The following RSRC1 variants were observed in gnomAD, a reference collection of about 807,000 sequenced individuals.
RSRC1 encodes the protein arginine and serine rich coiled-coil 1, also known as serine/Arginine-related protein 53.
A neutral mutation model predicts 49.1 loss-of-function variants in RSRC1; 39 were observed. That is an observed-to-expected ratio of 0.79 (90% CI 0.61 to 1.04). RSRC1 has a LOEUF of 1.04. Among genes scored for constraint, RSRC1 ranks in the 50% least tolerant of loss-of-function variants. RSRC1 has a pLI of 0.00. For missense variants in RSRC1, 388 were observed against 402.4 expected, an observed-to-expected ratio of 0.96 and a Z score of 0.31; for synonymous variants, 143 against 130.8, an observed-to-expected ratio of 1.09 and a Z score of -0.63.
chr3:158,487,223 A>T (rs1738848374), intron 7 of RSRC1, among the ~76,000 whole-genome samples: 1 of 152,192 alleles, frequency 6.6e-6, no homozygotes, highest in Non-Finnish European at 1.5e-5. Flanking sequence ...ACAAGAATGA[A>T]TATGTAGTCA....
At chr3:158,348,516 GC>G (rs1414162256) in intron 5 of RSRC1, among the ~76,000 whole-genome samples, 1 of 152,040 alleles carries the variant, frequency 6.6e-6, no homozygotes, top group Non-Finnish European at 1.5e-5. Context: ...ATCTCCACAG[GC>G]CATTATGAGA....
At chr3:158,170,883 T>C (rs1314856311) in intron 3 of RSRC1, among the ~76,000 whole-genome samples, 1 of 152,124 alleles carries the variant, frequency 6.6e-6, no homozygotes, top group Non-Finnish European at 1.5e-5. Context: ...TTTTCCTCTC[T>C]CTTTTCTTTC....
intron 4 of RSRC1, among the ~76,000 whole-genome samples, chr3:158,218,717 A>C (rs1250167988): frequency 1.1e-4 from 16 of 151,638 alleles, no homozygotes; most frequent in Admixed American, 9.9e-4. Flanking sequence ...TGATGACTAC[A>C]GAAACCTATA....
intron 6 of RSRC1, among the ~76,000 whole-genome samples, chr3:158,369,235 C>T (rs1341418294): frequency 6.6e-6 from 1 of 151,988 alleles, no homozygotes; most frequent in African/African-American, 2.4e-5. Flanking sequence ...TTTTCATTTT[C>T]TCATTTTATT....
At chr3:158,196,977 C>T (rs562390679) in intron 3 of RSRC1, among the ~76,000 whole-genome samples, 1 of 152,206 alleles carries the variant, frequency 6.6e-6, no homozygotes, top group African/African-American at 2.4e-5. Flanking sequence ...TTTGTTGTGT[C>T]TCTGCCAGGC....
At chr3:158,209,387 A>G (rs1425489408) in intron 4 of RSRC1, among the ~76,000 whole-genome samples, 3 of 152,030 alleles carry the variant, frequency 2.0e-5, no homozygotes, top group African/African-American at 4.8e-5. Flanking sequence ...TGGCCTCTCA[A>G]TCTTGGACTT....
chr3:158,131,572 G>A (rs1476505430), intron 3 of RSRC1, among the ~76,000 whole-genome samples: 7 of 152,164 alleles, frequency 4.6e-5, no homozygotes, highest in Non-Finnish European at 8.8e-5. Context: ...ATGTACTCAT[G>A]AACTTGGTAC....
At chr3:158,535,795 A>C (rs1181057105) in intron 7 of RSRC1, among the ~76,000 whole-genome samples, 1 of 151,520 alleles carries the variant, frequency 6.6e-6, no homozygotes, top group Non-Finnish European at 1.5e-5. Context: ...ACAAATATTC[A>C]TGAACTCATA....
chr3:158,328,423 G>A (rs1421576766), intron 5 of RSRC1, among the ~76,000 whole-genome samples: 1 of 136,906 alleles, frequency 7.3e-6, no homozygotes, highest in East Asian at 2.1e-4. Context: ...TGTAGGGCAG[G>A]CCTGGTGGTG....
intron 8 of RSRC1, among the ~76,000 whole-genome samples, chr3:158,541,311 C>G (rs1300310010): frequency 1.3e-5 from 2 of 152,180 alleles, no homozygotes; most frequent in East Asian, 3.8e-4. Context: ...CCTTCCTGAT[C>G]CCCATCATTC....
At chr3:158,491,094 A>G (rs1301211852) in intron 7 of RSRC1, among the ~76,000 whole-genome samples, 1 of 152,212 alleles carries the variant, frequency 6.6e-6, no homozygotes, top group African/African-American at 2.4e-5. Context: ...CTATTTTGAT[A>G]TTAACTGAAA....
chr3:158,423,130 T>G (rs1735177551), intron 6 of RSRC1, among the ~76,000 whole-genome samples: 2 of 151,820 alleles, frequency 1.3e-5, no homozygotes, highest in South Asian at 2.1e-4. Flanking sequence ...CTTTTGGTGT[T>G]TTAGACATGA....
chr3:158,301,109 A>C (rs549510972), intron 5 of RSRC1, among the ~76,000 whole-genome samples: 1 of 152,056 alleles, frequency 6.6e-6, no homozygotes, highest in Admixed American at 6.6e-5. Flanking sequence ...CTTTCTCTCA[A>C]TGTTGCCAAG....
chr3:158,388,527 A>G (rs1451095237), intron 6 of RSRC1, among the ~76,000 whole-genome samples: 3 of 152,136 alleles, frequency 2.0e-5, no homozygotes, highest in Non-Finnish European at 4.4e-5. Context: ...ACAAACAGCA[A>G]TATAACTAGG....
chr3:158,196,975 G>A (rs1227962513), intron 3 of RSRC1, among the ~76,000 whole-genome samples: 1 of 152,082 alleles, frequency 6.6e-6, no homozygotes, highest in Non-Finnish European at 1.5e-5. Flanking sequence ...TTTTTGTTGT[G>A]TCTCTGCCAG....
chr3:158,224,103 T>C (rs1457284560), intron 4 of RSRC1, among the ~76,000 whole-genome samples: 2 of 151,724 alleles, frequency 1.3e-5, no homozygotes, highest in Non-Finnish European at 2.9e-5. Context: ...GCAGAACATA[T>C]AAATAATGCT....
chr3:158,423,351 T>C (rs1735190619), intron 6 of RSRC1, among the ~76,000 whole-genome samples: 1 of 152,118 alleles, frequency 6.6e-6, no homozygotes, highest in Non-Finnish European at 1.5e-5. Context: ...CCCCATTGCT[T>C]ATTTTTCTCA....
intron 4 of RSRC1, among the ~76,000 whole-genome samples, chr3:158,284,740 G>A (rs1726407725): frequency 6.6e-6 from 1 of 151,982 alleles, no homozygotes; most frequent in South Asian, 2.1e-4. Flanking sequence ...TGATGGGGTT[G>A]TTTGTTTTTT....
At chr3:158,466,415 A>G (rs1737893498) in intron 7 of RSRC1, among the ~76,000 whole-genome samples, 1 of 152,224 alleles carries the variant, frequency 6.6e-6, no homozygotes, top group Non-Finnish European at 1.5e-5. Flanking sequence ...TCTGTTTACT[A>G]CAAACACAAA....
Sources: allele counts gnomAD v4.1 joint callset (sites outside exome capture counted in the v4.1 genomes callset), GRCh38; gene constraint gnomAD v4.1.1; transcripts MANE v1.5; gene names NCBI Gene and HGNC (gene_info 2026-07-23, HGNC 2026-07-21).